Variants in TXLNG observed in about 807,000 individuals in gnomAD.
TXLNG encodes the protein gamma-taxilin.
Under a neutral mutation model 38.8 loss-of-function variants are expected in TXLNG, and 5 were observed. The observed-to-expected ratio is 0.13, with a 90% CI of 0.07 to 0.27. The LOEUF is 0.27. Ranked by LOEUF, TXLNG falls within the 10% of genes least tolerant of loss-of-function variation. The pLI is 1.00. For synonymous variants in TXLNG, 182 were observed against 158.2 expected (o/e 1.15, Z -1.13); for missense variants, 393 against 398.2 (o/e 0.99, Z 0.11).
rs1929894851 is a variant in TXLNG at position 16,842,539 on chromosome X, A to C, written c.*773A>C. 1 of 111,708 alleles carries C rather than the reference A, an allele frequency of 9.0e-6. No individual in the cohort carries two copies. Among genetic ancestry groups the C allele is most frequent in the African/African-American group, 3.3e-5 (1 of 30,680 alleles). 9.2% of individuals were successfully genotyped at this position (111,708 alleles called of 1,213,427 possible). ...TGATTCTGATTTGGGATTTCAGTAC[A>C]TATTCTCCACTTCCCATAGAAGGCC... On this transcript the variant is annotated 3_prime_UTR_variant, in exon 10 of 10. Coordinates refer to ENST00000380122, the MANE Select transcript of TXLNG (RefSeq NM_018360.3).
chrX:16,801,955 T>C lies in TXLNG; in HGVS notation c.102+15366T>C, dbSNP rs190855219. 2.9e-3 allele frequency among the ~76,000 whole-genome samples: 260 copies of C among 89,778 alleles called. 5 individuals carry two copies. The highest frequency in any genetic ancestry group is 0.026 in the Admixed American group (207 of 7,925). 78.0% of individuals were successfully genotyped at this position (89,778 alleles called of 115,157 possible). ...TGATTTTTTTTTCTTTCTTTCTTTT[T>C]TTTTTTTTTTTTTTTTGAGACGGAG... On this transcript the variant is annotated intron_variant, in intron 1 of 9. Transcript: ENST00000380122.
At chrX:16,840,736 C>T (rs184686008) in intron 9 of TXLNG, among the ~76,000 whole-genome samples, 1 of 111,395 alleles carries the variant, frequency 9.0e-6, no homozygotes, top group East Asian at 2.9e-4. Flanking sequence ...TGCACCACTG[C>T]ACTCCAGCCC....
At chrX:16,824,204 A>C (rs1417727825) in intron 3 of TXLNG, among the ~76,000 whole-genome samples, 1 of 111,929 alleles carries the variant, frequency 8.9e-6, no homozygotes. Context: ...CTGTACACAC[A>C]CACACACGCA....
intron 1 of TXLNG, among the ~76,000 whole-genome samples, chrX:16,793,645 ATCTTTTTTTTTTT>A (rs756396980): frequency 1.8e-5 from 2 of 109,749 alleles, no homozygotes; most frequent in Non-Finnish European, 3.8e-5. Context: ...TTTGTAAAAT[ATCTTTTTTTTTTT>A]TCTTTTTTTT....
rs1295367280 is a variant in TXLNG at position 16,818,684 on chromosome X, T to C, written c.213T>C (p.Cys71=). 5 of 1,211,911 alleles carry C rather than the reference T, an allele frequency of 4.1e-6. No individual in the cohort carries two copies. In the South Asian group the frequency reaches 7.0e-5, roughly 17 times the overall value. ...NDILQHQGSN[C]GGTSNKHSLE... ...TTCTTCAACATCAAGGCTCAAATTGTGGTGGCACAAGTAACAAGCATTCAT... is the reference window on the plus strand; with the variant it reads ...TTCTTCAACATCAAGGCTCAAATTGCGGTGGCACAAGTAACAAGCATTCAT... Residue 71 remains cysteine, a synonymous_variant, in exon 2 of 10, where the codon TGT becomes TGC. Transcript: ENST00000380122.
chrX:16,786,654 G>T, intron 1 of TXLNG, 65 bp downstream of exon 1: 1 of 803,311 alleles, frequency 1.2e-6, no homozygotes, highest in Non-Finnish European at 1.6e-6. Flanking sequence ...CTTTTTCAGG[G>T]TCCACCTCTT....
At chrX:16,792,339 C>G (rs1927731068) in intron 1 of TXLNG, among the ~76,000 whole-genome samples, 1 of 111,923 alleles carries the variant, frequency 8.9e-6, no homozygotes, top group African/African-American at 3.2e-5. Flanking sequence ...CAGGAAGTTT[C>G]TGCTTACCTC....
chrX:16,841,782 C>T lies in TXLNG; in HGVS notation c.*16C>T, dbSNP rs1929852659. The T allele has an allele frequency of 8.5e-7, 1 of 1,181,309 alleles. No individual in the cohort carries two copies. Among genetic ancestry groups the T allele is most frequent in the Non-Finnish European group, 1.1e-6 (1 of 876,674 alleles). On this transcript the variant is annotated 3_prime_UTR_variant, in exon 10 of 10. Coordinates refer to ENST00000380122, the MANE Select transcript of TXLNG (RefSeq NM_018360.3). ...GGTTGACTAAGATGAGGTGTGATCA[C>T]TGTATTGAGAGATATATTTTGTGTA...
rs149788633 is a variant in TXLNG at position 16,809,947 on chromosome X, G to A, written c.103-8627G>A. ...CCAGGAGAAGGATGTTTGAACAGTA[G>A]TAGACAGAAGGTAGTTATGAAGCAG... On this transcript the variant is annotated intron_variant, in intron 1 of 9. Coordinates refer to ENST00000380122, the MANE Select transcript of TXLNG (RefSeq NM_018360.3). Among the ~76,000 whole-genome samples, 888 of 112,016 alleles carry A rather than the reference G, an allele frequency of 7.9e-3. 8 individuals are homozygous for A. Among genetic ancestry groups the A allele is most frequent in the African/African-American group, 0.027 (840 of 30,830 alleles).
chrX:16,822,121 G>A (rs775207672), intron 3 of TXLNG, among the ~76,000 whole-genome samples: 15 of 110,237 alleles, frequency 1.4e-4, no homozygotes, highest in African/African-American at 4.3e-4. Flanking sequence ...GGTGGATCAC[G>A]AGGTCAGGAG....
chrX:16,798,177 T>G (rs1343508858), intron 1 of TXLNG, among the ~76,000 whole-genome samples: 1 of 112,580 alleles, frequency 8.9e-6, no homozygotes, highest in African/African-American at 3.2e-5. Flanking sequence ...AAATATTGGT[T>G]AACTGAATTG....
intron 5 of TXLNG, 143 bp downstream of exon 5, chrX:16,829,913 A>T: frequency 3.7e-6 from 2 of 539,906 alleles, no homozygotes; most frequent in Non-Finnish European, 5.9e-6. Context: ...GGAAACGATC[A>T]GGCACCACAA....
intron 1 of TXLNG, among the ~76,000 whole-genome samples, chrX:16,814,231 C>T (rs1928648354): frequency 8.9e-6 from 1 of 112,316 alleles, no homozygotes; most frequent in Admixed American, 9.4e-5. Flanking sequence ...AATGTAGTCT[C>T]TCTGTATAAG....
rs1046040983 is a variant in TXLNG, at chrX:16,842,871, C to T, written c.*1105C>T. 1 of 112,119 alleles carries T rather than the reference C, an allele frequency of 8.9e-6. No homozygotes were observed. Among genetic ancestry groups the T allele is most frequent in the African/African-American group, 3.2e-5 (1 of 30,825 alleles). 9.2% of individuals were successfully genotyped at this position (112,119 alleles called of 1,213,427 possible). A position where few individuals can be genotyped will look rare whatever the true frequency, so the allele number is the denominator to read the frequency against. On this transcript the variant is annotated 3_prime_UTR_variant, in exon 10 of 10. Transcript: ENST00000380122. ...ATGATCTGTTACTTACGTGTTCAGT[C>T]TGTTTTCTCACCCCCTTCTTAGTTA... is the stretch of plus-strand genomic sequence containing the variant.
intron 1 of TXLNG, among the ~76,000 whole-genome samples, chrX:16,788,008 T>G (rs1927560639): frequency 8.9e-6 from 1 of 111,794 alleles, no homozygotes; most frequent in African/African-American, 3.3e-5. Flanking sequence ...TTTCTCTCCC[T>G]CTCTTTGTAT....
At chrX:16,812,649 C>A (rs1295352816) in intron 1 of TXLNG, among the ~76,000 whole-genome samples, 2 of 106,070 alleles carry the variant, frequency 1.9e-5, no homozygotes, top group Admixed American at 2.1e-4. Context: ...GCCTTGGCCT[C>A]CCAAAGTTCT....
Position 16,818,838 on chromosome X carries a change from C to A in TXLNG, c.367C>A (p.Gln123Lys). The A allele has an allele frequency of 8.3e-7, 1 of 1,210,082 alleles. No individual in the cohort carries two copies. Among genetic ancestry groups the A allele is most frequent in the South Asian group, 1.8e-5 (1 of 56,630 alleles). The change falls in exon 2 of 10, where the codon CAA becomes AAA. Residue 123 changes from glutamine (Q) to lysine (K), a missense_variant. Physicochemically the swap from Gln to Lys is moderately conservative, Grantham distance 53. Transcript: ENST00000380122. ...TCGAACAGATCCCCCTGATGGTCAGCAAGATTCAGAGTGCAACAGGAACAA... is the reference window on the plus strand; with the variant it reads ...TCGAACAGATCCCCCTGATGGTCAGAAAGATTCAGAGTGCAACAGGAACAA... ...EARTDPPDGQ[Q>K]DSECNRNKEK...
At position 16,844,325 on chromosome X, in the gene TXLNG, T is replaced by C. The variant is rs1228078549; in HGVS notation, c.*2559T>C. ...ATGGAAATAACTGTGAAAAAAATGA[T>C]GCAGATATCTTCTAGTTTGTGCTAA... On this transcript the variant is annotated 3_prime_UTR_variant, in exon 10 of 10. Transcript: ENST00000380122. 3 of 112,456 alleles carry C rather than the reference T, an allele frequency of 2.7e-5. No individual in the cohort carries two copies. The highest frequency in any genetic ancestry group is 5.6e-5 in the Non-Finnish European group (3 of 53,337). The allele number at this position is 112,456 out of a possible 1,213,427, so 9.3% of individuals were successfully genotyped here. A position where few individuals can be genotyped will look rare whatever the true frequency, so the allele number is the denominator to read the frequency against.
chrX:16,809,226 A>G lies in TXLNG; in HGVS notation c.103-9348A>G, dbSNP rs747595895. Among the ~76,000 whole-genome samples, 4 of 110,171 alleles carry G rather than the reference A, an allele frequency of 3.6e-5. No individual in the cohort carries two copies. The East Asian group carries it at 1.1e-3, about 31-fold the overall frequency. On this transcript the variant is annotated intron_variant, in intron 1 of 9. Coordinates refer to ENST00000380122, the MANE Select transcript of TXLNG (RefSeq NM_018360.3). ...TGGTTCCCAGTCAGTCCCTTCCCCG[A>G]CTGGACTCCTTGGTGGTTAAGTCAA... is the stretch of plus-strand genomic sequence containing the variant.
Sources: gnomAD v4.1 joint callset for allele counts (sites outside exome capture counted in the v4.1 genomes callset) on GRCh38, gnomAD v4.1.1 for gene constraint, MANE v1.5 for transcripts, NCBI Gene and HGNC (gene_info 2026-07-23, HGNC 2026-07-21) for gene names.